Variants in ANLN observed in about 807,000 individuals in gnomAD.
The protein encoded by ANLN is anillin, actin binding protein, also known as anillin.
ANLN carries 59 observed loss-of-function variants against 135.1 expected under a neutral mutation model. The observed-to-expected ratio is 0.44, with a 90% CI of 0.35 to 0.54. The LOEUF (loss-of-function observed/expected upper bound fraction) is 0.54, where lower values mean the gene tolerates loss of function less well. Ranked by LOEUF, ANLN falls within the 20% of genes least tolerant of loss-of-function variation. ANLN has a pLI of 0.00. For synonymous variants in ANLN, 406 were observed against 456.4 expected (o/e 0.89, Z 1.41); for missense variants, 1,182 against 1,340.0 (o/e 0.88, Z 1.84).
intron 20 of ANLN, among the ~76,000 whole-genome samples, chr7:36,429,289 C>T (rs1327736982): frequency 6.6e-6 from 1 of 152,024 alleles, no homozygotes; most frequent in Non-Finnish European, 1.5e-5. Flanking sequence ...GGCACGATCT[C>T]GGCTCACTAC....
chr7:36,433,523 G>A (rs1329814581), intron 20 of ANLN, among the ~76,000 whole-genome samples: 1 of 151,726 alleles, frequency 6.6e-6, no homozygotes, highest in African/African-American at 2.4e-5. Context: ...AGTTTTCTTT[G>A]TATTTATCCT....
At position 36,426,043 on chromosome 7, in the gene ANLN, G is replaced by C; in HGVS notation, c.2770+7G>C. On this transcript the variant is annotated splice_region_variant and intron_variant, in intron 19 of 23. Coordinates refer to ENST00000265748, the MANE Select transcript of ANLN (RefSeq NM_018685.5). ...AGCAACATTCATTCTTCAGGTGAGT[G>C]TATCTTGAACTATTTGAAACTTTAG... 1 of 1,485,250 alleles carries C rather than the reference G, an allele frequency of 6.7e-7. No homozygotes were observed. Among genetic ancestry groups the C allele is most frequent in the Non-Finnish European group, 9.0e-7 (1 of 1,112,850 alleles). The allele number at this position is 1,485,250 out of a possible 1,614,324, so 92.0% of individuals were successfully genotyped here. A position where few individuals can be genotyped will look rare whatever the true frequency, so the allele number is the denominator to read the frequency against.
intron 23 of ANLN, 60 bp from the exon 24 acceptor site, chr7:36,452,417 C>T: frequency 1.2e-6 from 2 of 1,606,034 alleles, no homozygotes; most frequent in South Asian, 2.2e-5. Context: ...AGCAAGAGTA[C>T]ATGGGGGTAT....
In ANLN at chr7:36,406,039, A is replaced by T. The variant is rs1396793955; in HGVS notation, c.488-142A>T. On this transcript the variant is annotated intron_variant, in intron 3 of 23. Coordinates refer to ENST00000265748, the MANE Select transcript of ANLN (RefSeq NM_018685.5). ...ATATTGTCAAATTTAAATAACTTGG[A>T]AGTTTCATGCATGCTAGAACTTTTC... 3 of 567,072 alleles carry T rather than the reference A, an allele frequency of 5.3e-6. No homozygotes were observed. The African/African-American group carries it at 5.7e-5, about 11-fold the overall frequency. 35.1% of individuals were successfully genotyped at this position (567,072 alleles called of 1,614,324 possible).
chr7:36,414,467 G>A (rs1236801612), intron 7 of ANLN, among the ~76,000 whole-genome samples: 1 of 152,116 alleles, frequency 6.6e-6, no homozygotes, highest in Non-Finnish European at 1.5e-5. Context: ...GCATGTAGGG[G>A]TGATGGTAGT....
In ANLN at chr7:36,417,061, CT is replaced by C. The variant is rs751911918; in HGVS notation, c.1523-16del. The C allele has an allele frequency of 2.2e-6, 3 of 1,391,562 alleles. No individual in the cohort carries two copies. The East Asian group carries it at 6.9e-5, about 32-fold the overall frequency. The allele number at this position is 1,391,562 out of a possible 1,614,324, so 86.2% of individuals were successfully genotyped here. On this transcript the variant is annotated intron_variant, in intron 8 of 23. Coordinates refer to ENST00000265748, the MANE Select transcript of ANLN (RefSeq NM_018685.5). ...AGGTTCTTATATATATTAATATGGT[CT>C]TTCTTAAACATTTTTAGGTTTCACT...
At position 36,453,205 on chromosome 7, in the gene ANLN, A is replaced by G. The variant is rs1297297018; in HGVS notation, c.*605A>G. 1 of 152,256 alleles carries G rather than the reference A, an allele frequency of 6.6e-6. No homozygotes were observed. The highest frequency in any genetic ancestry group is 2.4e-5 in the African/African-American group (1 of 41,450). The allele number at this position is 152,256 out of a possible 1,614,324, so 9.4% of individuals were successfully genotyped here. On this transcript the variant is annotated 3_prime_UTR_variant, in exon 24 of 24. Transcript: ENST00000265748. ...AATGTGTGAGACTTGGGGGTTCAAT[A>G]TTTTATATAGAAGAGTTAATAAGCA...
At chr7:36,416,050 G>T (rs1303991232) in intron 8 of ANLN, among the ~76,000 whole-genome samples, 166 bp downstream of exon 8, 1 of 151,982 alleles carries the variant, frequency 6.6e-6, no homozygotes, top group Non-Finnish European at 1.5e-5. Flanking sequence ...ATGGATTCTT[G>T]CCCTGTTGCC....
chr7:36,446,428 A>T (rs1789000662), intron 22 of ANLN, among the ~76,000 whole-genome samples: 1 of 152,122 alleles, frequency 6.6e-6, no homozygotes, highest in East Asian at 1.9e-4. Flanking sequence ...GTAATTTTTA[A>T]ATTGGCTCCT....
At chr7:36,430,226 A>G (rs1788256844) in intron 20 of ANLN, among the ~76,000 whole-genome samples, 1 of 152,242 alleles carries the variant, frequency 6.6e-6, no homozygotes, top group Non-Finnish European at 1.5e-5. Context: ...CTGTCAGTAC[A>G]ACGCAGTCTT....
At chr7:36,419,140 A>AT (rs1787767259) in intron 9 of ANLN, 104 bp from the exon 10 acceptor site, 3 of 754,702 alleles carry the variant, frequency 4.0e-6, no homozygotes, top group African/African-American at 1.8e-5. Flanking sequence ...TTTTTAAGGC[A>AT]TTTTTTCCTA....
chr7:36,449,927 T>G, intron 23 of ANLN, 90 bp downstream of exon 23: 1 of 1,326,520 alleles, frequency 7.5e-7, no homozygotes, highest in Non-Finnish European at 1.0e-6. Flanking sequence ...CAGATGGTCC[T>G]TGACGTTGAA....
intron 1 of ANLN, among the ~76,000 whole-genome samples, chr7:36,395,826 C>A (rs1480157125): frequency 6.6e-6 from 1 of 151,950 alleles, no homozygotes; most frequent in Non-Finnish European, 1.5e-5. Flanking sequence ...CCATGTGTCT[C>A]CTCTAGTAGA....
chr7:36,422,591 G>C (rs1787923114), intron 13 of ANLN, 42 bp from the exon 14 acceptor site: 2 of 1,531,102 alleles, frequency 1.3e-6, no homozygotes, highest in African/African-American at 1.4e-5. Flanking sequence ...ATTAGAAACA[G>C]TTACGATTTT....
chr7:36,399,986 CAAAA>C (rs914244011), intron 3 of ANLN, among the ~76,000 whole-genome samples: 1 of 117,362 alleles, frequency 8.5e-6, no homozygotes, highest in Admixed American at 8.6e-5. Flanking sequence ...TGCCTTGTTA[CAAAA>C]AAAAAAAGCT....
intron 20 of ANLN, among the ~76,000 whole-genome samples, chr7:36,428,631 A>G (rs1162601085): frequency 1.3e-5 from 2 of 151,888 alleles, no homozygotes; most frequent in Non-Finnish European, 2.9e-5. Context: ...CTTATAGTTC[A>G]TTATAATCCT....
At position 36,452,669 on chromosome 7, in the gene ANLN, A is replaced by G. The variant is rs1789296806; in HGVS notation, c.*69A>G. On this transcript the variant is annotated 3_prime_UTR_variant, in exon 24 of 24. Transcript: ENST00000265748. Reference sequence around the variant, plus strand: ...TAAGAAACACACTTAAGAGCATCAGATTTACTGATTGCATTTTATGCTTTA... The same window carrying G: ...TAAGAAACACACTTAAGAGCATCAGGTTTACTGATTGCATTTTATGCTTTA... 6.4e-7 allele frequency: 1 copy of G among 1,563,952 alleles called. No individual in the cohort carries two copies. The highest frequency in any genetic ancestry group is 1.8e-5 in the Admixed American group (1 of 56,710).
intron 20 of ANLN, among the ~76,000 whole-genome samples, chr7:36,436,679 C>G (rs1040799659): frequency 6.6e-6 from 1 of 152,120 alleles, no homozygotes; most frequent in African/African-American, 2.4e-5. Context: ...AGTGGTTCCT[C>G]ATTGTAGGTT....
chr7:36,450,703 G>A (rs1789208265), intron 23 of ANLN, among the ~76,000 whole-genome samples: 2 of 152,132 alleles, frequency 1.3e-5, no homozygotes, highest in Admixed American at 1.3e-4. Context: ...GGCCTTCTAT[G>A]CAGTGGTGGA....
Sources: allele counts gnomAD v4.1 joint callset (sites outside exome capture counted in the v4.1 genomes callset), GRCh38; gene constraint gnomAD v4.1.1; transcripts MANE v1.5; gene names NCBI Gene and HGNC (gene_info 2026-07-23, HGNC 2026-07-21).